Variants in KCNMA1 observed in about 807,000 individuals in gnomAD.
The protein encoded by KCNMA1 is Calcium-activated potassium channel subunit alpha-1.
A neutral mutation model predicts 140.0 loss-of-function variants in KCNMA1; 29 were observed. That is an observed-to-expected ratio of 0.21 (90% CI 0.15 to 0.28). The LOEUF is 0.28. Ranked by LOEUF, KCNMA1 falls within the 10% of genes least tolerant of loss-of-function variation. The pLI, the probability that KCNMA1 is intolerant of heterozygous loss-of-function variation, is 1.00. For synonymous variants in KCNMA1, 612 were observed against 611.9 expected, an observed-to-expected ratio of 1.00 and a Z score of 0.00; for missense variants, 880 against 1,602.2, an observed-to-expected ratio of 0.55 and a Z score of 7.70.
At chr10:77,613,346 C>T (rs988526038) in intron 1 of KCNMA1, among the ~76,000 whole-genome samples, 1 of 152,220 alleles carries the variant, frequency 6.6e-6, no homozygotes, top group African/African-American at 2.4e-5. Flanking sequence ...AGCTTCAGCT[C>T]TGGGTGCTCT....
chr10:77,549,243 C>G (rs2154556584), intron 1 of KCNMA1, among the ~76,000 whole-genome samples: 1 of 152,318 alleles, frequency 6.6e-6, no homozygotes, highest in Non-Finnish European at 1.5e-5. Flanking sequence ...TGTGTCCTGT[C>G]CCTTATGATA....
At chr10:77,356,994 A>G (rs1289418307) in intron 2 of KCNMA1, among the ~76,000 whole-genome samples, 1 of 152,266 alleles carries the variant, frequency 6.6e-6, no homozygotes, top group African/African-American at 2.4e-5. Flanking sequence ...TAAGAAGCCA[A>G]TATGATATGC....
intron 20 of KCNMA1, among the ~76,000 whole-genome samples, chr10:76,964,783 G>A (rs572115127): frequency 1.5e-3 from 226 of 152,296 alleles, no homozygotes; most frequent in African/African-American, 5.2e-3. Flanking sequence ...TTAACAAGTA[G>A]ATGAGTTTAT....
At chr10:77,258,647 A>G (rs1218295272) in intron 2 of KCNMA1, among the ~76,000 whole-genome samples, 1 of 152,128 alleles carries the variant, frequency 6.6e-6, no homozygotes, top group African/African-American at 2.4e-5. Flanking sequence ...TGTCATTCCT[A>G]AGTCATGAAT....
intron 1 of KCNMA1, among the ~76,000 whole-genome samples, chr10:77,465,868 G>C (rs2097991662): frequency 6.6e-6 from 1 of 152,202 alleles, no homozygotes; most frequent in Non-Finnish European, 1.5e-5. Flanking sequence ...GTCTAGATGT[G>C]TGACGCTTCC....
intron 3 of KCNMA1, among the ~76,000 whole-genome samples, chr10:77,211,141 A>G (rs1489332013): frequency 1.3e-5 from 2 of 152,236 alleles, no homozygotes; most frequent in Admixed American, 1.3e-4. Flanking sequence ...AAACAAAAAA[A>G]CAAAGCTGGA....
intron 2 of KCNMA1, among the ~76,000 whole-genome samples, chr10:77,302,336 C>T (rs894168626): frequency 6.6e-6 from 1 of 152,238 alleles, no homozygotes. Context: ...CATACTGCTC[C>T]TTAAGCACTT....
In KCNMA1 at chr10:77,333,396, G is replaced by GAAAGA. The variant is rs147337166; in HGVS notation, c.540+70461_540+70465dup. 1.4e-3 allele frequency among the ~76,000 whole-genome samples: 207 copies of GAAAGA among 143,060 alleles called. 1 individual carries two copies. Among genetic ancestry groups the GAAAGA allele is most frequent in the East Asian group, 6.1e-3 (29 of 4,756 alleles). 93.9% of individuals were successfully genotyped at this position (143,060 alleles called of 152,430 possible). ...AGAAAGAAAGAGAGAAAGAAAGAAA[G>GAAAGA]AAAGAAAAGAAAAGAAAAGAAAAGA... On this transcript the variant is annotated intron_variant, in intron 2 of 27. Transcript: ENST00000286628.
chr10:77,278,475 C>T (rs920087436), intron 2 of KCNMA1, among the ~76,000 whole-genome samples: 32 of 152,274 alleles, frequency 2.1e-4, no homozygotes, highest in African/African-American at 7.5e-4. Flanking sequence ...TGTAGTATTG[C>T]ATCCCAACAG....
At chr10:77,217,403 C>A in intron 3 of KCNMA1, 2 of 398,562 alleles carry the variant, frequency 5.0e-6, no homozygotes, top group Admixed American at 2.5e-5. Flanking sequence ...TCAATCCCAT[C>A]ATCTCAGGCC....
chr10:76,970,643 A>G, intron 19 of KCNMA1: 1 of 160,372 alleles, frequency 6.2e-6, no homozygotes, highest in South Asian at 1.8e-4. Flanking sequence ...TGCTGGCTCA[A>G]TAATCCCCAG....
chr10:77,212,904 CA>C (rs752385449), intron 3 of KCNMA1, among the ~76,000 whole-genome samples: 11 of 152,196 alleles, frequency 7.2e-5, no homozygotes, highest in Non-Finnish European at 1.6e-4. Flanking sequence ...AAGATCTATC[CA>C]AATCACATCA....
chr10:77,463,566 A>G (rs1012068032), intron 1 of KCNMA1, among the ~76,000 whole-genome samples: 3 of 152,188 alleles, frequency 2.0e-5, no homozygotes, highest in Non-Finnish European at 4.4e-5. Flanking sequence ...GCACACGCTA[A>G]AAATACAAAC....
intron 3 of KCNMA1, among the ~76,000 whole-genome samples, chr10:77,195,234 A>C (rs935541086): frequency 1.3e-5 from 2 of 152,136 alleles, no homozygotes; most frequent in Non-Finnish European, 2.9e-5. Context: ...AAGTTTTCCT[A>C]TTTAGGAGTT....
In KCNMA1 at chr10:77,184,320, A is replaced by G. The variant is rs192195726; in HGVS notation, c.696+503T>C. Reference sequence around the variant, plus strand: ...CTGCAACCTCTGCCTCCCAGGTTCAAGCAATTCTCCTGTCTCAGCCTCCTG... The same window carrying G: ...CTGCAACCTCTGCCTCCCAGGTTCAGGCAATTCTCCTGTCTCAGCCTCCTG... On this transcript the variant is annotated intron_variant, in intron 4 of 27. Transcript: ENST00000286628. Among the ~76,000 whole-genome samples the G allele has an allele frequency of 2.7e-3, 408 of 152,282 alleles. 1 individual carries two copies. The highest frequency in any genetic ancestry group is 8.4e-3 in the African/African-American group (348 of 41,554).
intron 11 of KCNMA1, among the ~76,000 whole-genome samples, chr10:77,086,191 C>G (rs2096686541): frequency 6.6e-6 from 1 of 152,170 alleles, no homozygotes; most frequent in Non-Finnish European, 1.5e-5. Flanking sequence ...GTCCATATAA[C>G]TGGTCTACTT....
At chr10:76,900,778 C>A (rs1310249663) in intron 25 of KCNMA1, among the ~76,000 whole-genome samples, 1 of 151,812 alleles carries the variant, frequency 6.6e-6, no homozygotes, top group African/African-American at 2.4e-5. Flanking sequence ...AAATGACAAT[C>A]GGCATTTGCC....
intron 14 of KCNMA1, among the ~76,000 whole-genome samples, chr10:77,068,896 C>T (rs966299175): frequency 8.2e-5 from 9 of 110,164 alleles, no homozygotes; most frequent in African/African-American, 3.1e-4. Flanking sequence ...CACACACACA[C>T]ACACAATTTG....
chr10:76,891,389 A>G, intron 26 of KCNMA1, 136 bp downstream of exon 26: 2 of 721,196 alleles, frequency 2.8e-6, no homozygotes, highest in Admixed American at 4.1e-5. Flanking sequence ...CTATAAATAA[A>G]TATCACCTCT....
Sources: allele counts gnomAD v4.1 joint callset (sites outside exome capture counted in the v4.1 genomes callset), GRCh38; gene constraint gnomAD v4.1.1; transcripts MANE v1.5; gene names NCBI Gene and HGNC (gene_info 2026-07-23, HGNC 2026-07-21).